The following TMOD3 variants were observed in gnomAD, a reference collection of about 807,000 sequenced individuals.
TMOD3 encodes tropomodulin-3.
In TMOD3, 20 loss-of-function variants were observed where a neutral mutation model predicts 39.2. The ratio of observed to expected loss-of-function variants is 0.51; its 90% CI spans 0.36 to 0.74. The LOEUF (loss-of-function observed/expected upper bound fraction) is 0.74. Ranked by LOEUF, TMOD3 falls within the 30% of genes least tolerant of loss-of-function variation. The pLI is 0.00. For missense variants in TMOD3, 381 were observed against 412.8 expected, an observed-to-expected ratio of 0.92 and a Z score of 0.67; for synonymous variants, 143 against 145.8, an observed-to-expected ratio of 0.98 and a Z score of 0.14.
chr15:51,866,380 C>T (rs569372847), intron 2 of TMOD3, among the ~76,000 whole-genome samples: 1 of 152,156 alleles, frequency 6.6e-6, no homozygotes, highest in African/African-American at 2.4e-5. Context: ...ATTGCTTAAG[C>T]CCAGGAGTTC....
At chr15:51,881,664 C>T (rs549919807) in intron 3 of TMOD3, among the ~76,000 whole-genome samples, 3 of 139,764 alleles carry the variant, frequency 2.1e-5, no homozygotes, top group African/African-American at 5.4e-5. Flanking sequence ...TGGGTTCAAG[C>T]GATTCTCCTG....
chr15:51,905,950 CAAAAAAAAAAAAAAA>C (rs869172248), intron 9 of TMOD3, among the ~76,000 whole-genome samples: 9 of 64,728 alleles, frequency 1.4e-4, no homozygotes, highest in South Asian at 7.4e-4. Flanking sequence ...GACTCCGTCT[CAAAAAAAAAAAAAAA>C]AAAAAAAAAA....
intron 3 of TMOD3, 96 bp downstream of exon 3, chr15:51,869,469 T>C: frequency 8.5e-7 from 1 of 1,177,002 alleles, no homozygotes; most frequent in Non-Finnish European, 1.2e-6. Flanking sequence ...AGGTACATCA[T>C]TGGTAGCCTT....
chr15:51,885,664 A>G (rs1487069518), intron 3 of TMOD3, among the ~76,000 whole-genome samples: 1 of 147,780 alleles, frequency 6.8e-6, no homozygotes, highest in Non-Finnish European at 1.5e-5. Context: ...GTACAGAACA[A>G]AATGGAGTCT....
At chr15:51,876,593 C>T (rs1039199135) in intron 3 of TMOD3, among the ~76,000 whole-genome samples, 1 of 151,766 alleles carries the variant, frequency 6.6e-6, no homozygotes, top group Non-Finnish European at 1.5e-5. Context: ...TCCCGAGTAG[C>T]TGGGACTACA....
intron 8 of TMOD3, chr15:51,901,141 A>G (rs560929504): frequency 6.6e-6 from 1 of 152,322 alleles, no homozygotes; most frequent in South Asian, 2.1e-4. Flanking sequence ...ACCTGGCATA[A>G]TGTTCTGGAG....
At chr15:51,885,287 T>TC (rs1439444466) in intron 3 of TMOD3, among the ~76,000 whole-genome samples, 4 of 71,672 alleles carry the variant, frequency 5.6e-5, no homozygotes, top group African/African-American at 1.7e-4. Flanking sequence ...CTTTTTTCTT[T>TC]TTTTTTTTTT....
chr15:51,885,898 G>T (rs1484157500), intron 3 of TMOD3, among the ~76,000 whole-genome samples: 1 of 149,682 alleles, frequency 6.7e-6, no homozygotes, highest in East Asian at 2.0e-4. Context: ...CCCAGACGGG[G>T]TGGCTGCCGG....
chr15:51,886,998 C>G (rs2056567988), intron 3 of TMOD3, among the ~76,000 whole-genome samples: 1 of 151,984 alleles, frequency 6.6e-6, no homozygotes, highest in Non-Finnish European at 1.5e-5. Flanking sequence ...GCGAGTGGAT[C>G]ACCTTAGGTC....
chr15:51,847,455 C>T (rs1002664804), intron 1 of TMOD3, among the ~76,000 whole-genome samples: 14 of 152,184 alleles, frequency 9.2e-5, no homozygotes, highest in Admixed American at 6.5e-4. Context: ...TTTTCAACTA[C>T]TGTGTGCAAA....
At chr15:51,841,276 A>T (rs1262293157) in intron 1 of TMOD3, among the ~76,000 whole-genome samples, 1 of 152,210 alleles carries the variant, frequency 6.6e-6, no homozygotes, top group African/African-American at 2.4e-5. Flanking sequence ...TAAAAAATGA[A>T]AGAAATGTTT....
At chr15:51,871,892 CTT>C (rs2056476594) in intron 3 of TMOD3, among the ~76,000 whole-genome samples, 1 of 152,142 alleles carries the variant, frequency 6.6e-6, no homozygotes, top group Admixed American at 6.6e-5. Context: ...AGTGGTTTCT[CTT>C]TATAATACAT....
chr15:51,870,629 A>G (rs2056470387), intron 3 of TMOD3, among the ~76,000 whole-genome samples: 1 of 152,186 alleles, frequency 6.6e-6, no homozygotes, highest in South Asian at 2.1e-4. Context: ...GTGAATGGCT[A>G]TTGAGTAGGT....
intron 3 of TMOD3, among the ~76,000 whole-genome samples, chr15:51,871,938 G>A (rs1480503997): frequency 6.6e-6 from 1 of 152,016 alleles, no homozygotes; most frequent in African/African-American, 2.4e-5. Context: ...AGCTACATAT[G>A]TCTATTAAAT....
chr15:51,912,753 A>G lies in TMOD3; in HGVS notation c.*3943A>G, dbSNP rs2056717889. 1 of 152,186 alleles carries G rather than the reference A, an allele frequency of 6.6e-6. No individual in the cohort carries two copies. The highest frequency in any genetic ancestry group is 6.5e-5 in the Admixed American group (1 of 15,280). The allele number at this position is 152,186 out of a possible 1,614,324, so 9.4% of individuals were successfully genotyped here. On this transcript the variant is annotated 3_prime_UTR_variant, in exon 10 of 10. Transcript: ENST00000308580. ...GTATTGACCCATGTCACCCAAGAGA[A>G]GCAAACATATGGATGCACTAGAGAC...
intron 1 of TMOD3, chr15:51,860,042 T>C: frequency 1.9e-6 from 1 of 532,430 alleles, no homozygotes; most frequent in East Asian, 5.2e-5. Context: ...TGCCTCTTCA[T>C]ATACGGCACA....
Position 51,908,889 on chromosome 15 carries a change from T to G in TMOD3, c.*79T>G. The G allele has an allele frequency of 7.7e-7, 1 of 1,303,370 alleles. No homozygotes were observed. Among genetic ancestry groups the G allele is most frequent in the Non-Finnish European group, 1.0e-6 (1 of 955,652 alleles). The allele number at this position is 1,303,370 out of a possible 1,614,324, so 80.7% of individuals were successfully genotyped here. A position where few individuals can be genotyped will look rare whatever the true frequency, so the allele number is the denominator to read the frequency against. On this transcript the variant is annotated 3_prime_UTR_variant, in exon 10 of 10. Transcript: ENST00000308580. Reference sequence around the variant, plus strand: ...TTGGTGACATCATGTAAAATTTTCCTGGGTAGAAGGGAAAAGACTGGAAAA... The same window carrying G: ...TTGGTGACATCATGTAAAATTTTCCGGGGTAGAAGGGAAAAGACTGGAAAA...
At chr15:51,862,126 C>T (rs2056422441) in intron 1 of TMOD3, among the ~76,000 whole-genome samples, 1 of 152,140 alleles carries the variant, frequency 6.6e-6, no homozygotes, top group Non-Finnish European at 1.5e-5. Flanking sequence ...AACCTCATGG[C>T]TGCCTGGGAG....
chr15:51,843,048 G>A (rs1322510458), intron 1 of TMOD3, among the ~76,000 whole-genome samples: 5 of 152,252 alleles, frequency 3.3e-5, no homozygotes, highest in African/African-American at 9.6e-5. Context: ...CTGGGGCACC[G>A]TACTCATGAC....
Sources: allele counts gnomAD v4.1 joint callset (sites outside exome capture counted in the v4.1 genomes callset), GRCh38; gene constraint gnomAD v4.1.1; transcripts MANE v1.5; gene names NCBI Gene and HGNC (gene_info 2026-07-23, HGNC 2026-07-21).